JPT2: variants seen among roughly 807,000 people sequenced by gnomAD.
The protein encoded by JPT2 is CRAMP_1 like.
In JPT2, 9 loss-of-function variants were observed where a neutral mutation model predicts 15.9. That is an observed-to-expected ratio of 0.57 (90% CI 0.34 to 0.99). The LOEUF (loss-of-function observed/expected upper bound fraction) is 0.99. Ranked by LOEUF, JPT2 falls within the 50% of genes least tolerant of loss-of-function variation. JPT2 has a pLI of 0.02. For missense variants in JPT2, 267 were observed against 252.1 expected, an observed-to-expected ratio of 1.06 and a Z score of -0.40; for synonymous variants, 95 against 91.7, an observed-to-expected ratio of 1.04 and a Z score of -0.21.
chr16:1,692,068 A>ATG, intron 3 of JPT2, 83 bp downstream of exon 3: 1 of 1,531,148 alleles, frequency 6.5e-7, no homozygotes, highest in South Asian at 1.2e-5. Context: ...CAGATGCGAC[A>ATG]TGTTTTTAGG....
At chr16:1,692,064 C>T (rs563328739) in intron 3 of JPT2, 79 bp downstream of exon 3, 74 of 1,541,864 alleles carry the variant, frequency 4.8e-5, no homozygotes, top group Non-Finnish European at 5.8e-5. Context: ...AAGGCAGATG[C>T]GACATGTTTT....
rs2037180174 is a variant in JPT2 at position 1,701,541 on chromosome 16, A to G, written c.*2543A>G. On this transcript the variant is annotated 3_prime_UTR_variant, in exon 5 of 5. Transcript: ENST00000248098. Reference sequence around the variant, plus strand: ...TTGTATTTAGCCAGAGGATGCCAAAATTAGTCTTCTCAAAGCTTTGAGTAG... The same window carrying G: ...TTGTATTTAGCCAGAGGATGCCAAAGTTAGTCTTCTCAAAGCTTTGAGTAG... 1 of 150,638 alleles carries G rather than the reference A, an allele frequency of 6.6e-6. No individual in the cohort carries two copies. Among genetic ancestry groups the G allele is most frequent in the Non-Finnish European group, 1.5e-5 (1 of 67,778 alleles). 9.3% of individuals were successfully genotyped at this position (150,638 alleles called of 1,614,324 possible). A position where few individuals can be genotyped will look rare whatever the true frequency, so the allele number is the denominator to read the frequency against.
chr16:1,693,596 T>TAG (rs1183842585), intron 3 of JPT2, among the ~76,000 whole-genome samples: 1 of 152,108 alleles, frequency 6.6e-6, no homozygotes, highest in East Asian at 1.9e-4. Context: ...GTAGATCAGG[T>TAG]AGAGGACTGT....
chr16:1,697,268 C>T (rs1001851067), intron 3 of JPT2, among the ~76,000 whole-genome samples: 7 of 152,262 alleles, frequency 4.6e-5, no homozygotes, highest in Admixed American at 3.3e-4. Flanking sequence ...AATCCCAGCA[C>T]TTTGGGAGGC....
At chr16:1,690,816 G>A (rs1306117516) in intron 2 of JPT2, among the ~76,000 whole-genome samples, 1 of 152,220 alleles carries the variant, frequency 6.6e-6, no homozygotes, top group East Asian at 1.9e-4. Context: ...CTTTATCATT[G>A]CATAGAAAAT....
intron 1 of JPT2, among the ~76,000 whole-genome samples, chr16:1,679,806 C>T (rs754058755): frequency 1.2e-4 from 18 of 152,114 alleles, no homozygotes; most frequent in South Asian, 1.0e-3. Flanking sequence ...GCTGTAATCC[C>T]GGCACTTGGG....
In JPT2 at chr16:1,698,932, G is replaced by T; in HGVS notation, c.507G>T (p.Pro169=). The T allele has an allele frequency of 6.2e-7, 1 of 1,614,174 alleles. No homozygotes were observed. The highest frequency in any genetic ancestry group is 8.5e-7 in the Non-Finnish European group (1 of 1,180,032). Residue 169 remains proline (P), a synonymous_variant, in exon 5 of 5, where the codon CCG becomes CCT. Coordinates refer to ENST00000248098, the MANE Select transcript of JPT2 (RefSeq NM_144570.3). The surrounding 1 kb of genome is among the most constrained non-coding windows in gnomAD (Gnocchi z 4.9). ...ACAGCCATGAGCCCCGGCTGGGGCCGCGGCCTCGCTCTCACAACAAGGTCC... is the reference window on the plus strand; with the variant it reads ...ACAGCCATGAGCCCCGGCTGGGGCCTCGGCCTCGCTCTCACAACAAGGTCC... ...TVDSHEPRLG[P]RPRSHNKVLN... is the part of the protein sequence containing the mutation.
chr16:1,692,295 C>T (rs954105535), intron 3 of JPT2: 4 of 357,180 alleles, frequency 1.1e-5, no homozygotes, highest in East Asian at 5.6e-5. Context: ...GGGAGCGGAA[C>T]GTGCCGCAGA....
In JPT2 at chr16:1,698,940, G is replaced by A. The variant is rs1300027912; in HGVS notation, c.515G>A (p.Arg172His). 1.9e-6 allele frequency: 3 copies of A among 1,614,000 alleles called. No individual in the cohort carries two copies. Among genetic ancestry groups the A allele is most frequent in the Non-Finnish European group, 2.5e-6 (3 of 1,180,026 alleles). The change falls in exon 5 of 5, where the codon CGC becomes CAC. Residue 172 changes from arginine (R) to histidine (H), a missense_variant. By Grantham distance (29) the Arg-to-His change is conservative. Transcript: ENST00000248098. This position sits in a 1 kb window ranked among gnomAD's most constrained non-coding sequence, Gnocchi z 4.9. Reference protein sequence around the residue: ...SHEPRLGPRPRSHNKVLNPPG... With the variant: ...SHEPRLGPRPHSHNKVLNPPG... ...GAGCCCCGGCTGGGGCCGCGGCCTC[G>A]CTCTCACAACAAGGTCCTGAACCCA...
chr16:1,697,258 A>C (rs981277545), intron 3 of JPT2, among the ~76,000 whole-genome samples: 4 of 152,258 alleles, frequency 2.6e-5, no homozygotes, highest in African/African-American at 9.6e-5. Flanking sequence ...TCACGCCTAT[A>C]ATCCCAGCAC....
chr16:1,682,888 C>T (rs1225533756), intron 1 of JPT2, among the ~76,000 whole-genome samples: 1 of 152,154 alleles, frequency 6.6e-6, no homozygotes, highest in Non-Finnish European at 1.5e-5. Flanking sequence ...TGGTTCACTG[C>T]AGCTTTGACC....
intron 2 of JPT2, chr16:1,685,992 C>G (rs2037062243): frequency 5.6e-6 from 1 of 178,242 alleles, no homozygotes; most frequent in South Asian, 1.3e-4. Context: ...AAACTCTTAA[C>G]AAGGAAGAAT....
intron 1 of JPT2, chr16:1,683,716 C>T (rs1389363991): frequency 1.5e-6 from 1 of 688,474 alleles, no homozygotes; most frequent in East Asian, 2.8e-5. Flanking sequence ...CCATTCACAT[C>T]CAGTCACAAG....
chr16:1,683,697 C>A, intron 1 of JPT2: 1 of 769,570 alleles, frequency 1.3e-6, no homozygotes, highest in South Asian at 1.6e-5. Context: ...AGCAGGAGAT[C>A]TGAGAACTCC....
intron 2 of JPT2, among the ~76,000 whole-genome samples, chr16:1,691,526 A>G (rs1458222042): frequency 6.6e-6 from 1 of 152,228 alleles, no homozygotes; most frequent in Non-Finnish European, 1.5e-5. Context: ...TCAACAGGAA[A>G]GCATGAAATG....
intron 3 of JPT2, among the ~76,000 whole-genome samples, chr16:1,693,471 T>C (rs762330967): frequency 9.2e-5 from 14 of 152,166 alleles, no homozygotes; most frequent in Non-Finnish European, 1.5e-4. Flanking sequence ...AGGTGAACTT[T>C]GGCAAGACCA....
At chr16:1,694,720 C>G (rs2037128702) in intron 3 of JPT2, among the ~76,000 whole-genome samples, 1 of 151,582 alleles carries the variant, frequency 6.6e-6, no homozygotes, top group South Asian at 2.1e-4. Flanking sequence ...GTGCCAAGAT[C>G]ATCCAGTGGG....
Position 1,685,675 on chromosome 16 carries a change from A to T in JPT2, c.193+88A>T. 3 of 1,364,218 alleles carry T rather than the reference A, an allele frequency of 2.2e-6. No individual in the cohort carries two copies. The South Asian group carries it at 4.1e-5, about 19-fold the overall frequency. The allele number at this position is 1,364,218 out of a possible 1,614,324, so 84.5% of individuals were successfully genotyped here. On this transcript the variant is annotated intron_variant, in intron 2 of 4. Coordinates refer to ENST00000248098, the MANE Select transcript of JPT2 (RefSeq NM_144570.3). ...TGTTTCTTTATACTGATCCTTTCCC[A>T]TATTGTCTGGTTCAGGTAATCACTT...
chr16:1,692,576 C>G (rs1287326814), intron 3 of JPT2: 1 of 155,996 alleles, frequency 6.4e-6, no homozygotes, highest in Non-Finnish European at 1.4e-5. Context: ...GCTGCAGCCT[C>G]CCTGGGCTAT....
Sources: allele counts gnomAD v4.1 joint callset (sites outside exome capture counted in the v4.1 genomes callset), GRCh38; gene constraint gnomAD v4.1.1; non-coding constraint Gnocchi (gnomAD v3.1); transcripts MANE v1.5; gene names NCBI Gene and HGNC (gene_info 2026-07-23, HGNC 2026-07-21).